ZNF391: variants seen among roughly 807,000 people sequenced by gnomAD.
The protein encoded by ZNF391 is zinc finger protein 391.
For missense variants in ZNF391, 375 were observed against 425.5 expected (o/e 0.88, Z 1.04); for synonymous variants, 126 against 142.1 (o/e 0.89, Z 0.80).
chr6:27,399,593 G>T (rs992016157), intron 2 of ZNF391, 43 bp downstream of exon 2: 6 of 152,356 alleles, frequency 3.9e-5, no homozygotes, highest in Non-Finnish European at 8.8e-5. Flanking sequence ...ATGTTGAGAA[G>T]ATGAGATCTA....
chr6:27,394,232 C>T (rs1761775313), intron 1 of ZNF391, among the ~76,000 whole-genome samples: 1 of 152,220 alleles, frequency 6.6e-6, no homozygotes, highest in South Asian at 2.1e-4. Context: ...CGATGCCTCC[C>T]ATCATAGGCT....
chr6:27,398,799 C>T (rs1334904456), intron 1 of ZNF391, among the ~76,000 whole-genome samples: 1 of 152,102 alleles, frequency 6.6e-6, no homozygotes, highest in East Asian at 1.9e-4. Context: ...GCGGAGCTTG[C>T]AGTGAGCCGA....
chr6:27,386,625 T>G (rs1224318934), upstream of ZNF391, among the ~76,000 whole-genome samples: 3 of 152,166 alleles, frequency 2.0e-5, no homozygotes, highest in Non-Finnish European at 2.9e-5. Context: ...TTGATTGATT[T>G]TCAACAAGTG....
chr6:27,400,872 A>G lies in ZNF391; in HGVS notation c.502A>G (p.Asn168Asp). Residue 168 changes from asparagine (N) to aspartate (D), a missense_variant, in exon 3 of 3, where the codon AAT (asparagine) becomes GAT (aspartate). By Grantham distance (23) the Asn-to-Asp change is conservative (BLOSUM62 1). Coordinates refer to ENST00000244576, the MANE Select transcript of ZNF391 (RefSeq NM_001076781.3). The stretch of plus-strand genomic sequence containing the variant: ...CACTGGAGAGAAACCTTATGAATGC[A>G]ATGAATGTGGAAAAGCTTTTAGCCG... ...THTGEKPYEC[N>D]ECGKAFSRST... 6.2e-7 allele frequency: 1 copy of G among 1,614,236 alleles called. No individual in the cohort carries two copies. The highest frequency in any genetic ancestry group is 8.5e-7 in the Non-Finnish European group (1 of 1,180,028).
At chr6:27,398,210 G>T (rs1026945472) in intron 1 of ZNF391, among the ~76,000 whole-genome samples, 2 of 152,172 alleles carry the variant, frequency 1.3e-5, no homozygotes, top group African/African-American at 4.8e-5. Context: ...ATCAAATTAT[G>T]CTGTGAGCAG....
At chr6:27,379,873 A>G (rs571978039) in intron 1 of ZNF391, among the ~76,000 whole-genome samples, 1 of 152,272 alleles carries the variant, frequency 6.6e-6, no homozygotes, top group Non-Finnish European at 1.5e-5. Context: ...AGCCTCCCAC[A>G]TGGAAGAAAG....
chr6:27,381,947 T>C (rs917646696), intron 1 of ZNF391, among the ~76,000 whole-genome samples: 2 of 150,758 alleles, frequency 1.3e-5, no homozygotes, highest in Non-Finnish European at 2.9e-5. Context: ...GGCAGGAGAA[T>C]TGCTTGAACC....
At chr6:27,389,862 T>C (rs913913608) in intron 1 of ZNF391, among the ~76,000 whole-genome samples, 8 of 152,246 alleles carry the variant, frequency 5.3e-5, no homozygotes, top group African/African-American at 1.7e-4. Context: ...TTTATGTTTC[T>C]GATGATGAAG....
intron 1 of ZNF391, among the ~76,000 whole-genome samples, chr6:27,379,864 G>T (rs561310092): frequency 6.6e-6 from 1 of 152,134 alleles, no homozygotes; most frequent in Non-Finnish European, 1.5e-5. Flanking sequence ...GTCATCTCTA[G>T]CCTCCCACAT....
intron 1 of ZNF391, among the ~76,000 whole-genome samples, chr6:27,396,183 T>G (rs1761821661): frequency 6.6e-6 from 1 of 152,132 alleles, no homozygotes; most frequent in Non-Finnish European, 1.5e-5. Context: ...ATGAAATAAT[T>G]TCAAAAGTAT....
chr6:27,376,621 A>T lies in ZNF391; in HGVS notation n.523+1484A>T, dbSNP rs1252917670. Among the ~76,000 whole-genome samples the T allele has an allele frequency of 6.6e-6, 1 of 152,132 alleles. No individual in the cohort carries two copies. Among genetic ancestry groups the T allele is most frequent in the East Asian group, 1.9e-4 (1 of 5,184 alleles). On this transcript the variant is annotated intron_variant and non_coding_transcript_variant, in intron 1 of 2. Transcript: ENST00000477999. The surrounding 1 kb of genome is among the most constrained non-coding windows in gnomAD (Gnocchi z 4.7). ...TCATACTTAAAATAGAAACGAAATCAGTTTCCACCCATTGATAAGGTATAA... is the reference window on the plus strand; with the variant it reads ...TCATACTTAAAATAGAAACGAAATCTGTTTCCACCCATTGATAAGGTATAA...
intron 1 of ZNF391, among the ~76,000 whole-genome samples, chr6:27,378,930 TAAA>T (rs33923217): frequency 1.4e-5 from 2 of 147,694 alleles, no homozygotes; most frequent in Non-Finnish European, 1.5e-5. Flanking sequence ...ACTCTGTCTC[TAAA>T]AAAAAAAAAA....
intron 1 of ZNF391, among the ~76,000 whole-genome samples, chr6:27,398,623 C>T (rs1761879841): frequency 6.6e-6 from 1 of 152,166 alleles, no homozygotes; most frequent in Non-Finnish European, 1.5e-5. Flanking sequence ...CTTTGGGAAG[C>T]TGGGGCGGGT....
intron 1 of ZNF391, among the ~76,000 whole-genome samples, chr6:27,393,408 G>T (rs1428750586): frequency 6.6e-6 from 1 of 152,160 alleles, no homozygotes; most frequent in Non-Finnish European, 1.5e-5. Flanking sequence ...CTTCCACCAT[G>T]AGTAAAAGCT....
chr6:27,389,161 G>T (rs763895710), intron 1 of ZNF391, 86 bp downstream of exon 1: 11 of 456,670 alleles, frequency 2.4e-5, no homozygotes, highest in Non-Finnish European at 4.0e-5. Context: ...TTTGGCTGCA[G>T]GTCGGGTCAG....
At chr6:27,397,147 T>G (rs967386162) in intron 1 of ZNF391, among the ~76,000 whole-genome samples, 2 of 152,220 alleles carry the variant, frequency 1.3e-5, no homozygotes, top group African/African-American at 4.8e-5. Flanking sequence ...GGCTCACAGT[T>G]CTGCAGGCTG....
chr6:27,381,570 C>T (rs571521101), intron 1 of ZNF391, among the ~76,000 whole-genome samples: 15 of 152,308 alleles, frequency 9.8e-5, no homozygotes, highest in South Asian at 2.1e-4. Flanking sequence ...GCAGAGGAGG[C>T]GCCGAGAGCG....
intron 1 of ZNF391, chr6:27,391,189 G>T (rs1158184508): frequency 2.9e-5 from 4 of 138,074 alleles, no homozygotes; most frequent in Non-Finnish European, 6.2e-5. Context: ...TTACTTTGGG[G>T]CATTCATTGT....
intron 1 of ZNF391, among the ~76,000 whole-genome samples, chr6:27,380,114 A>G (rs571861505): frequency 3.3e-4 from 50 of 152,382 alleles, no homozygotes; most frequent in African/African-American, 1.1e-3. Context: ...TGGGCAACAT[A>G]GTAAGATCTC....
Sources: gnomAD v4.1 joint callset for allele counts (sites outside exome capture counted in the v4.1 genomes callset) on GRCh38, gnomAD v4.1.1 for gene constraint, Gnocchi (gnomAD v3.1) non-coding constraint, MANE v1.5 for transcripts, NCBI Gene and HGNC (gene_info 2026-07-23, HGNC 2026-07-21) for gene names.